The following RBMS3 variants were observed in gnomAD, a reference collection of about 807,000 sequenced individuals.
The protein encoded by RBMS3 is RNA binding motif single stranded interacting protein 3.
A neutral mutation model predicts 66.8 loss-of-function variants in RBMS3; 27 were observed. The ratio of observed to expected loss-of-function variants is 0.40; its 90% CI spans 0.30 to 0.56. The LOEUF (loss-of-function observed/expected upper bound fraction) is 0.56. RBMS3 is among the 20% of genes least tolerant of loss of function. The pLI is 0.40. For missense variants in RBMS3, 513 were observed against 549.5 expected (o/e 0.93, Z 0.66); for synonymous variants, 188 against 183.0 (o/e 1.03, Z -0.22).
Position 29,452,417 on chromosome 3 carries a change from C to T in RBMS3, c.248+17502C>T, listed in dbSNP as rs558124518. On this transcript the variant is annotated intron_variant, in intron 2 of 14. Coordinates refer to ENST00000383767, the MANE Select transcript of RBMS3 (RefSeq NM_001003793.3). The stretch of plus-strand genomic sequence containing the variant: ...TTTAAGAGCATTCTCATATATTTTA[C>T]TCTGTGATCTAGAATCAACAAATTT... 8.1e-4 allele frequency among the ~76,000 whole-genome samples: 124 copies of T among 152,268 alleles called. 2 individuals are homozygous for T. The South Asian group carries it at 8.5e-3, about 10-fold the overall frequency.
At chr3:29,913,688 T>C (rs536600228) in intron 10 of RBMS3, among the ~76,000 whole-genome samples, 2 of 152,120 alleles carry the variant, frequency 1.3e-5, no homozygotes, top group South Asian at 2.1e-4. Context: ...AAGAGAAACC[T>C]TTTATCAAAG....
At chr3:29,983,231 C>A (rs895685132) in intron 12 of RBMS3, among the ~76,000 whole-genome samples, 1 of 141,332 alleles carries the variant, frequency 7.1e-6, no homozygotes, top group Non-Finnish European at 1.5e-5. Context: ...GATTGCAACC[C>A]CCGCCCCCTT....
In RBMS3 at chr3:29,725,790, G is replaced by T. The variant is rs112741149; in HGVS notation, c.400-13930G>T. On this transcript the variant is annotated intron_variant, in intron 4 of 14. Coordinates refer to ENST00000383767, the MANE Select transcript of RBMS3 (RefSeq NM_001003793.3). ...AATTCTACCAGATGTACAAAGAAGA[G>T]CTGGTGCCATTGTTTCAGAAACTAT... Among the ~76,000 whole-genome samples, 1,104 of 152,206 alleles carry T rather than the reference G, an allele frequency of 7.3e-3. 14 individuals are homozygous for T. Among genetic ancestry groups the T allele is most frequent in the African/African-American group, 0.024 (1,014 of 41,540 alleles).
intron 12 of RBMS3, among the ~76,000 whole-genome samples, chr3:29,959,219 G>C (rs1268318798): frequency 6.6e-6 from 1 of 152,186 alleles, no homozygotes; most frequent in African/African-American, 2.4e-5. Flanking sequence ...TACTATGAGA[G>C]TTAGATGAGA....
At chr3:29,523,042 C>A (rs1357106350) in intron 3 of RBMS3, among the ~76,000 whole-genome samples, 1 of 152,182 alleles carries the variant, frequency 6.6e-6, no homozygotes, top group Non-Finnish European at 1.5e-5. Context: ...CTTACAAGAG[C>A]CTTGTGAAGT....
intron 1 of RBMS3, among the ~76,000 whole-genome samples, chr3:29,335,438 G>T (rs1302244289): frequency 1.3e-5 from 2 of 152,102 alleles, no homozygotes; most frequent in South Asian, 2.1e-4. Context: ...CATTTATTTT[G>T]GTCCGTGGCA....
chr3:29,681,581 A>G (rs1203159668), intron 4 of RBMS3, among the ~76,000 whole-genome samples: 1 of 142,506 alleles, frequency 7.0e-6, no homozygotes. Context: ...TTCAGCTCCC[A>G]CTTGTAAGTG....
chr3:29,481,134 G>A (rs941304202), intron 2 of RBMS3, among the ~76,000 whole-genome samples: 1 of 152,160 alleles, frequency 6.6e-6, no homozygotes, highest in South Asian at 2.1e-4. Context: ...CTCCCTCATG[G>A]GTTTGTTGCA....
intron 1 of RBMS3, among the ~76,000 whole-genome samples, chr3:29,306,107 C>T (rs754040580): frequency 1.3e-5 from 2 of 151,866 alleles, no homozygotes; most frequent in African/African-American, 2.4e-5. Context: ...TTCTGAAAAT[C>T]GCACAGTATG....
intron 1 of RBMS3, among the ~76,000 whole-genome samples, chr3:29,355,101 A>C (rs1393968950): frequency 6.6e-6 from 1 of 152,104 alleles, no homozygotes; most frequent in East Asian, 1.9e-4. Flanking sequence ...ATACTATCTC[A>C]TTCATCCTGC....
intron 13 of RBMS3, among the ~76,000 whole-genome samples, chr3:29,990,272 T>A (rs7647627): frequency 0.19 from 29,516 of 151,518 alleles, 2,935 homozygotes; most frequent in Admixed American, 0.25. Context: ...AACCAAGAAC[T>A]TCTGAAATTT....
intron 2 of RBMS3, among the ~76,000 whole-genome samples, chr3:29,480,678 A>G (rs772346179): frequency 6.6e-6 from 1 of 152,350 alleles, no homozygotes; most frequent in East Asian, 1.9e-4. Flanking sequence ...TAATACAAAG[A>G]AAGAAGTAGC....
rs1228904354 is a variant in RBMS3, at chr3:29,500,725, A to G, written c.307+12226A>G. ...CTATACCATCTACATTTGTGTAAGTAAACTGTGGTGTTTGCACAATAATGA... is the reference window on the plus strand; with the variant it reads ...CTATACCATCTACATTTGTGTAAGTGAACTGTGGTGTTTGCACAATAATGA... On this transcript the variant is annotated intron_variant, in intron 3 of 14. Transcript: ENST00000383767. Among the ~76,000 whole-genome samples, 4 of 152,178 alleles carry G rather than the reference A, an allele frequency of 2.6e-5. No individual in the cohort carries two copies. The East Asian group carries it at 7.7e-4, about 29-fold the overall frequency.
chr3:29,817,150 T>C (rs1017889540), intron 6 of RBMS3, among the ~76,000 whole-genome samples: 1 of 151,804 alleles, frequency 6.6e-6, no homozygotes, highest in African/African-American at 2.4e-5. Context: ...TCTGTTATTC[T>C]TTCTAAAAAT....
chr3:29,343,112 A>G (rs1178396717), intron 1 of RBMS3, among the ~76,000 whole-genome samples: 1 of 152,160 alleles, frequency 6.6e-6, no homozygotes, highest in African/African-American at 2.4e-5. Context: ...ATATGTTTGT[A>G]TCCATATTGT....
At chr3:29,300,004 AATAATAAAAGACACAAAAAAG>A (rs1355430360) in intron 1 of RBMS3, among the ~76,000 whole-genome samples, 9 of 151,980 alleles carry the variant, frequency 5.9e-5, no homozygotes, top group Non-Finnish European at 1.3e-4. Context: ...AAAATATTCT[AATAATAAAAGACACAAAAAAG>A]CATAAATGAA....
chr3:29,904,238 A>G (rs191051131), intron 10 of RBMS3, among the ~76,000 whole-genome samples: 1 of 152,150 alleles, frequency 6.6e-6, no homozygotes, highest in East Asian at 1.9e-4. Context: ...AAGTGTATAG[A>G]GTATAAAAGA....
intron 3 of RBMS3, among the ~76,000 whole-genome samples, chr3:29,570,123 T>C (rs970409506): frequency 2.6e-5 from 4 of 152,166 alleles, no homozygotes; most frequent in Non-Finnish European, 5.9e-5. Context: ...TGAATTACTA[T>C]AATAAAATTA....
At chr3:29,430,903 G>A (rs1291865626) in intron 1 of RBMS3, among the ~76,000 whole-genome samples, 1 of 152,114 alleles carries the variant, frequency 6.6e-6, no homozygotes, top group Non-Finnish European at 1.5e-5. Flanking sequence ...AGAGAGTAAG[G>A]CATATAAGGG....
Sources: gnomAD v4.1 joint callset for allele counts (sites outside exome capture counted in the v4.1 genomes callset) on GRCh38, gnomAD v4.1.1 for gene constraint, MANE v1.5 for transcripts, NCBI Gene and HGNC (gene_info 2026-07-23, HGNC 2026-07-21) for gene names.